CNBD1: variants seen among roughly 807,000 people sequenced by gnomAD.
CNBD1 encodes the protein cyclic nucleotide binding domain containing 1.
A neutral mutation model predicts 54.4 loss-of-function variants in CNBD1; 71 were observed. The ratio of observed to expected loss-of-function variants is 1.30; its 90% CI spans 1.08 to 1.59. CNBD1 has a LOEUF of 1.59. Ranked by LOEUF, CNBD1 falls within the 40% of genes most tolerant of loss-of-function variation. The pLI is 0.00. For synonymous variants in CNBD1, 182 were observed against 170.7 expected, an observed-to-expected ratio of 1.07 and a Z score of -0.51; for missense variants, 659 against 518.0, an observed-to-expected ratio of 1.27 and a Z score of -2.64.
At chr8:86,916,522 G>A (rs7006083) in intron 3 of CNBD1, among the ~76,000 whole-genome samples, 64,902 of 149,780 alleles carry the variant, frequency 0.43, 14,524 homozygotes, top group African/African-American at 0.56. Flanking sequence ...TACCACTTGA[G>A]TGTCCCTAGA....
chr8:87,032,399 C>T (rs1809814427), intron 4 of CNBD1, among the ~76,000 whole-genome samples: 1 of 151,994 alleles, frequency 6.6e-6, no homozygotes, highest in African/African-American at 2.4e-5. Context: ...TATTCTTACA[C>T]TAAAGTAAGC....
intron 8 of CNBD1, among the ~76,000 whole-genome samples, chr8:87,299,866 C>G (rs1808949718): frequency 6.6e-6 from 1 of 152,190 alleles, no homozygotes; most frequent in African/African-American, 2.4e-5. Context: ...GAACAACCTG[C>G]AAAATCATGT....
intron 10 of CNBD1, among the ~76,000 whole-genome samples, chr8:87,366,345 C>A (rs1810641849): frequency 6.6e-6 from 1 of 151,930 alleles, no homozygotes. Context: ...AACTGAAATT[C>A]CTGTTTTCTT....
At chr8:87,276,888 A>G (rs1409088587) in intron 6 of CNBD1, among the ~76,000 whole-genome samples, 1 of 151,784 alleles carries the variant, frequency 6.6e-6, no homozygotes, top group African/African-American at 2.4e-5. Context: ...CCAGAGCACC[A>G]TGAATCTGAG....
chr8:87,189,211 C>T (rs915706097), intron 4 of CNBD1, among the ~76,000 whole-genome samples: 8 of 152,136 alleles, frequency 5.3e-5, no homozygotes, highest in African/African-American at 1.7e-4. Context: ...TTACTTATAC[C>T]CTTTTTTGTG....
At chr8:87,211,696 G>A (rs1177786415) in intron 5 of CNBD1, among the ~76,000 whole-genome samples, 4 of 152,082 alleles carry the variant, frequency 2.6e-5, no homozygotes, top group Non-Finnish European at 4.4e-5. Context: ...AAATCTCCTT[G>A]AGGCTTCCTC....
rs553607367 is a variant in CNBD1, at chr8:87,082,658, T to TGTGC, written c.432-123332_432-123331insCGTG. On this transcript the variant is annotated intron_variant, in intron 4 of 10. Transcript: ENST00000518476. The stretch of plus-strand genomic sequence containing the variant: ...ACACTGCATACAACTGAACCCTGTG[T>TGTGC]GTGTGTGTGTGTGTGTTTTAATTCA... Among the ~76,000 whole-genome samples the TGTGC allele has an allele frequency of 2.7e-3, 407 of 152,200 alleles. 2 individuals are homozygous for TGTGC. Among genetic ancestry groups the TGTGC allele is most frequent in the African/African-American group, 9.5e-3 (395 of 41,496 alleles).
intron 4 of CNBD1, among the ~76,000 whole-genome samples, chr8:87,112,071 G>T (rs1008439141): frequency 1.3e-5 from 2 of 152,166 alleles, no homozygotes; most frequent in Non-Finnish European, 2.9e-5. Context: ...CTGCAGAACT[G>T]AGTCAGGTGG....
chr8:87,060,900 T>C (rs1238109597), intron 4 of CNBD1, among the ~76,000 whole-genome samples: 1 of 152,110 alleles, frequency 6.6e-6, no homozygotes, highest in Non-Finnish European at 1.5e-5. Flanking sequence ...CATTTTTGCT[T>C]ATGGAGGAAG....
intron 1 of CNBD1, among the ~76,000 whole-genome samples, chr8:86,871,634 T>C (rs543010118): frequency 6.6e-6 from 1 of 152,352 alleles, no homozygotes; most frequent in Non-Finnish European, 1.5e-5. Flanking sequence ...TGTTATTCCT[T>C]AAGCCTATCT....
chr8:87,340,989 A>C (rs1291497848), intron 8 of CNBD1, among the ~76,000 whole-genome samples: 1 of 152,028 alleles, frequency 6.6e-6, no homozygotes, highest in Non-Finnish European at 1.5e-5. Context: ...GCGTATTTGA[A>C]AATACAACTA....
chr8:87,395,856 T>C (rs1301702767), intron 2 of CNBD1, among the ~76,000 whole-genome samples: 1 of 151,916 alleles, frequency 6.6e-6, no homozygotes, highest in Non-Finnish European at 1.5e-5. Context: ...AGCGTTATAG[T>C]GAGTGAGTTC....
chr8:87,330,231 C>CTTT (rs3055413), intron 8 of CNBD1, among the ~76,000 whole-genome samples: 36,185 of 130,330 alleles, frequency 0.28, 5,418 homozygotes, highest in Middle Eastern at 0.39. Flanking sequence ...TTCCTTCTCT[C>CTTT]TTTTTTTTTT....
chr8:87,383,191 A>T (rs191633059), downstream of CNBD1, among the ~76,000 whole-genome samples: 591 of 152,164 alleles, frequency 3.9e-3, 8 homozygotes, highest in African/African-American at 0.013. Flanking sequence ...CCTTGATGTG[A>T]TTATATTATG....
At chr8:87,328,705 T>C (rs1365256480) in intron 8 of CNBD1, among the ~76,000 whole-genome samples, 1 of 152,176 alleles carries the variant, frequency 6.6e-6, no homozygotes, top group Non-Finnish European at 1.5e-5. Context: ...ATTTTGGACA[T>C]TTTAACAAGA....
intron 2 of CNBD1, among the ~76,000 whole-genome samples, chr8:86,892,748 T>A (rs984395099): frequency 6.6e-6 from 1 of 152,142 alleles, no homozygotes; most frequent in African/African-American, 2.4e-5. Flanking sequence ...AGTATATTCG[T>A]TATTAATTTT....
intron 1 of CNBD1, among the ~76,000 whole-genome samples, chr8:86,867,296 A>T (rs984341438): frequency 6.6e-5 from 10 of 152,182 alleles, no homozygotes; most frequent in African/African-American, 9.6e-5. Flanking sequence ...TAAGATTTTT[A>T]AAAAATATCT....
chr8:87,423,605 C>G (rs1282456658), intron 2 of CNBD1, among the ~76,000 whole-genome samples: 1 of 147,730 alleles, frequency 6.8e-6, no homozygotes, highest in East Asian at 1.9e-4. Flanking sequence ...TTGAACCAGC[C>G]TTGCATCCCA....
chr8:87,298,166 CT>C lies in CNBD1; in HGVS notation c.1042+11503del, dbSNP rs34339376. On this transcript the variant is annotated intron_variant, in intron 8 of 10. Coordinates refer to ENST00000518476, the MANE Select transcript of CNBD1 (RefSeq NM_173538.3). ...TATTATTGTTATTGTAACTACATTGCTTTTTTTTATTATAAAGGTAATTTTA... is the reference window on the plus strand; with the variant it reads ...TATTATTGTTATTGTAACTACATTGCTTTTTTTATTATAAAGGTAATTTTA... Among the ~76,000 whole-genome samples the C allele has an allele frequency of 1.8e-4, 27 of 151,316 alleles. 2 individuals are homozygous for C. Among genetic ancestry groups the C allele is most frequent in the Admixed American group, 1.4e-3 (21 of 15,180 alleles).
Sources: gnomAD v4.1 joint callset for allele counts (sites outside exome capture counted in the v4.1 genomes callset) on GRCh38, gnomAD v4.1.1 for gene constraint, MANE v1.5 for transcripts, NCBI Gene and HGNC (gene_info 2026-07-23, HGNC 2026-07-21) for gene names.